The following ZZEF1 variants were observed in gnomAD, a reference collection of about 807,000 sequenced individuals.
ZZEF1 encodes zinc finger ZZ-type and EF-hand domain containing 1.
Under a neutral mutation model 342.8 loss-of-function variants are expected in ZZEF1, and 157 were observed. The observed-to-expected ratio is 0.46, with a 90% CI of 0.40 to 0.52. The LOEUF is 0.52. Among genes scored for constraint, ZZEF1 ranks in the 20% least tolerant of loss-of-function variants. ZZEF1 has a pLI of 0.00. For synonymous variants in ZZEF1, 1,505 were observed against 1,429.1 expected (o/e 1.05, Z -1.20); for missense variants, 3,480 against 3,725.6 (o/e 0.93, Z 1.72).
chr17:4,084,719 T>G (rs2057787139), intron 16 of ZZEF1, among the ~76,000 whole-genome samples: 1 of 152,238 alleles, frequency 6.6e-6, no homozygotes, highest in Non-Finnish European at 1.5e-5. Context: ...GGTAACACAG[T>G]GCTTATAGAT....
At chr17:4,117,205 C>G (rs770318111) in intron 2 of ZZEF1, 39 bp from the exon 3 acceptor site, 10 of 1,557,906 alleles carry the variant, frequency 6.4e-6, no homozygotes, top group Non-Finnish European at 8.8e-6. Context: ...TTTGGGGAAG[C>G]CACAGTAGTT....
intron 10 of ZZEF1, 118 bp from the exon 11 acceptor site, chr17:4,096,097 T>G (rs919793586): frequency 1.1e-5 from 13 of 1,146,892 alleles, no homozygotes; most frequent in Non-Finnish European, 1.6e-5. Context: ...GAAAAATATT[T>G]CAAACATATT....
At chr17:4,104,072 A>G (rs986830624) in intron 8 of ZZEF1, among the ~76,000 whole-genome samples, 1 of 152,162 alleles carries the variant, frequency 6.6e-6, no homozygotes, top group African/African-American at 2.4e-5. Flanking sequence ...TCCCATGTTG[A>G]GAAGGATTAT....
Position 4,041,803 on chromosome 17 carries a change from A to T in ZZEF1, c.6306+626T>A, listed in dbSNP as rs2056809051. Among the ~76,000 whole-genome samples the T allele has an allele frequency of 2.6e-5, 4 of 152,174 alleles. No homozygotes were observed. In the South Asian group the frequency reaches 8.3e-4, roughly 31 times the overall value. On this transcript the variant is annotated intron_variant, in intron 39 of 54. Coordinates refer to ENST00000381638, the MANE Select transcript of ZZEF1 (RefSeq NM_015113.4). The stretch of plus-strand genomic sequence containing the variant: ...TAAAATGTCAATGTTTTGAAAATTT[A>T]AAAAAAGGCAAGGGAAGCAGATTAA...
At chr17:4,052,270 C>T in intron 34 of ZZEF1, 134 bp from the exon 35 acceptor site, 1 of 824,142 alleles carries the variant, frequency 1.2e-6, no homozygotes, top group Non-Finnish European at 1.8e-6. Flanking sequence ...CACAGGCGTT[C>T]TCTGGAGACA....
intron 26 of ZZEF1, among the ~76,000 whole-genome samples, chr17:4,070,052 G>A (rs1033721906): frequency 3.3e-5 from 5 of 152,160 alleles, no homozygotes; most frequent in African/African-American, 1.2e-4. Flanking sequence ...GGTCCTGCTA[G>A]GCGGCAGGGA....
intron 45 of ZZEF1, 34 bp from the exon 46 acceptor site, chr17:4,019,803 T>C (rs1398409712): frequency 3.3e-6 from 5 of 1,517,498 alleles, no homozygotes; most frequent in Non-Finnish European, 9.0e-7. Flanking sequence ...ACAAGAACCA[T>C]TAACAGTGCT....
In ZZEF1 at chr17:4,076,137, C is replaced by CTTTCTTTTTTTT. The variant is rs1555599391; in HGVS notation, c.3234+499_3234+500insAAAAAAAAGAAA. ...CTACAGCTTTTTCTGCGTCTCCTTTCTTTTTTTTTTTTGAGACGGAGTCTC... is the reference window on the plus strand; with the variant it reads ...CTACAGCTTTTTCTGCGTCTCCTTTCTTTCTTTTTTTTTTTTTTTTTTTTGAGACGGAGTCTC... On this transcript the variant is annotated intron_variant, in intron 21 of 54. Transcript: ENST00000381638. The CTTTCTTTTTTTT allele has an allele frequency of 2.6e-3, 313 of 122,166 alleles. 8 individuals carry two copies. The highest frequency in any genetic ancestry group is 1.0e-2 in the African/African-American group (307 of 30,852). The allele number at this position is 122,166 out of a possible 1,614,324, so 7.6% of individuals were successfully genotyped here. A position where few individuals can be genotyped will look rare whatever the true frequency, so the allele number is the denominator to read the frequency against.
At chr17:4,083,637 CTTTTTTT>C (rs35907843) in intron 16 of ZZEF1, among the ~76,000 whole-genome samples, 2 of 118,668 alleles carry the variant, frequency 1.7e-5, no homozygotes, top group African/African-American at 5.8e-5. Flanking sequence ...GCTTTTGTTC[CTTTTTTT>C]TTTTTTTTTT....
intron 34 of ZZEF1, 96 bp downstream of exon 34, chr17:4,053,961 G>C: frequency 7.2e-7 from 1 of 1,391,260 alleles, no homozygotes. Context: ...GCAGTACTTT[G>C]ATTTAGTACA....
At chr17:4,036,820 CTCTCTCTCT>C (rs2056682097) in intron 39 of ZZEF1, among the ~76,000 whole-genome samples, 1 of 44,172 alleles carries the variant, frequency 2.3e-5, no homozygotes, top group African/African-American at 2.3e-4. Context: ...CACACACACT[CTCTCTCTCT>C]CTCTCTCTCT....
chr17:4,111,685 A>C (rs1041309511), intron 5 of ZZEF1, among the ~76,000 whole-genome samples: 1 of 148,438 alleles, frequency 6.7e-6, no homozygotes, highest in Non-Finnish European at 1.5e-5. Flanking sequence ...GAAAAAACAT[A>C]TATATTACAC....
At chr17:4,022,279 C>T (rs764091882) in intron 44 of ZZEF1, 2 of 158,106 alleles carry the variant, frequency 1.3e-5, no homozygotes, top group Non-Finnish European at 1.4e-5. Context: ...CACAGTAGTT[C>T]CGCTAAGAAA....
chr17:4,107,242 C>T (rs1415165162), intron 6 of ZZEF1, among the ~76,000 whole-genome samples: 4 of 152,174 alleles, frequency 2.6e-5, no homozygotes, highest in Non-Finnish European at 5.9e-5. Flanking sequence ...TGCAGATGAA[C>T]TAGTAAAACT....
chr17:4,048,332 C>A (rs1166913373), intron 37 of ZZEF1, among the ~76,000 whole-genome samples: 1 of 152,172 alleles, frequency 6.6e-6, no homozygotes, highest in Non-Finnish European at 1.5e-5. Context: ...TTTCTGCTGG[C>A]CAGTTTTGCT....
At chr17:4,078,655 G>C (rs1351106428) in intron 18 of ZZEF1, among the ~76,000 whole-genome samples, 1 of 152,216 alleles carries the variant, frequency 6.6e-6, no homozygotes, top group Non-Finnish European at 1.5e-5. Context: ...TGGATGGAGG[G>C]AAATGGACTC....
rs780081253 is a variant in ZZEF1 at position 4,102,427 on chromosome 17, A to AT, written c.1574-13_1574-12insA. 1 of 1,609,890 alleles carries AT rather than the reference A, an allele frequency of 6.2e-7. No homozygotes were observed. Among genetic ancestry groups the AT allele is most frequent in the South Asian group, 1.1e-5 (1 of 90,924 alleles). ...CTGGAGAGGTTTACCTGACCAAAGAAAAGGAAGACCAAGCTGTAAGCTAAA... is the reference window on the plus strand; with the variant it reads ...CTGGAGAGGTTTACCTGACCAAAGAATAAGGAAGACCAAGCTGTAAGCTAAA... On this transcript the variant is annotated splice_polypyrimidine_tract_variant and intron_variant, in intron 8 of 54. Transcript: ENST00000381638.
In ZZEF1 at chr17:4,074,139, T is replaced by C. The variant is rs901634822; in HGVS notation, c.3685+11A>G. 9 of 1,613,458 alleles carry C rather than the reference T, an allele frequency of 5.6e-6. No individual in the cohort carries two copies. The highest frequency in any genetic ancestry group is 3.3e-5 in the South Asian group (3 of 91,080). On this transcript the variant is annotated intron_variant, in intron 24 of 54. Transcript: ENST00000381638. ...GTTGTAAGAAGGGAAAGCACAGGGA[T>C]GTGCACTTACGGCGCACAGACTTGA...
chr17:4,118,388 A>G (rs1327636354), intron 2 of ZZEF1, among the ~76,000 whole-genome samples: 2 of 152,170 alleles, frequency 1.3e-5, no homozygotes, highest in Non-Finnish European at 2.9e-5. Flanking sequence ...GTTATCTGCA[A>G]AAGATAGTAG....
Sources: gnomAD v4.1 joint callset for allele counts (sites outside exome capture counted in the v4.1 genomes callset) on GRCh38, gnomAD v4.1.1 for gene constraint, MANE v1.5 for transcripts, NCBI Gene and HGNC (gene_info 2026-07-23, HGNC 2026-07-21) for gene names.